SORCS2: variants seen among roughly 807,000 people sequenced by gnomAD.
SORCS2 encodes VPS10 domain-containing receptor SorCS2.
Under a neutral mutation model 141.6 loss-of-function variants are expected in SORCS2, and 100 were observed. That is an observed-to-expected ratio of 0.71 (90% CI 0.60 to 0.83). The LOEUF is 0.83. Ranked by LOEUF, SORCS2 falls within the 40% of genes least tolerant of loss-of-function variation. The probability of loss-of-function intolerance (pLI) is 0.00; values close to 1 mark genes in which losing one functional copy is unlikely to be tolerated. For synonymous variants in SORCS2, 789 were observed against 676.9 expected (o/e 1.17, Z -2.57); for missense variants, 1,646 against 1,560.2 (o/e 1.05, Z -0.93).
intron 1 of SORCS2, among the ~76,000 whole-genome samples, chr4:7,368,821 C>T (rs961804077): frequency 6.6e-6 from 1 of 152,162 alleles, no homozygotes; most frequent in Non-Finnish European, 1.5e-5. Flanking sequence ...CTGGGAGAAA[C>T]CCGGTGGGAG....
At position 7,737,173 on chromosome 4, in the gene SORCS2, G is replaced by A. The variant is rs1185547449; in HGVS notation, c.3415+1G>A. ...GAGGACGTCCAGGGCGCTGTCCAGG[G>A]TGAGGAGTTTATAGATGATGATCTC... On this transcript the variant is annotated splice_donor_variant, in intron 26 of 26. Coordinates refer to ENST00000507866, the MANE Select transcript of SORCS2 (RefSeq NM_020777.3). LOFTEE classifies it high-confidence loss of function. The A allele has an allele frequency of 2.6e-6, 4 of 1,551,170 alleles. No individual in the cohort carries two copies. The highest frequency in any genetic ancestry group is 2.6e-6 in the Non-Finnish European group (3 of 1,146,910).
chr4:7,542,222 A>G (rs1038070832), intron 3 of SORCS2, among the ~76,000 whole-genome samples: 2 of 152,202 alleles, frequency 1.3e-5, no homozygotes, highest in Non-Finnish European at 2.9e-5. Context: ...ATCAATTATT[A>G]AGACAGCCCT....
chr4:7,701,251 GGAGGGAGGGAAGAA>G (rs1451078228), intron 12 of SORCS2, among the ~76,000 whole-genome samples: 2 of 151,670 alleles, frequency 1.3e-5, no homozygotes, highest in Admixed American at 6.6e-5. Context: ...AAAGGAGAGA[GGAGGGAGGGAAGAA>G]GAGGGAGGGA....
intron 2 of SORCS2, among the ~76,000 whole-genome samples, chr4:7,423,157 C>T (rs1189584186): frequency 1.3e-5 from 2 of 152,212 alleles, no homozygotes; most frequent in African/African-American, 4.8e-5. Context: ...GGTGCCCTCC[C>T]TGTTGGAGGC....
intron 2 of SORCS2, among the ~76,000 whole-genome samples, chr4:7,480,163 G>A (rs553229808): frequency 6.6e-6 from 1 of 152,334 alleles, no homozygotes; most frequent in South Asian, 2.1e-4. Flanking sequence ...GGGGTCTGAA[G>A]TGTGGTGGTA....
intron 25 of SORCS2, among the ~76,000 whole-genome samples, chr4:7,736,150 T>G (rs1393950536): frequency 6.6e-6 from 1 of 152,234 alleles, no homozygotes; most frequent in Non-Finnish European, 1.5e-5. Flanking sequence ...GCTCCCGGCT[T>G]GCTCAAGGGC....
chr4:7,325,313 T>TG (rs1300564283), intron 1 of SORCS2, among the ~76,000 whole-genome samples: 5 of 152,152 alleles, frequency 3.3e-5, no homozygotes, highest in African/African-American at 1.2e-4. Context: ...GTCTGTTAAG[T>TG]GGGGGTGATT....
At chr4:7,582,265 T>C (rs376909778) in intron 3 of SORCS2, among the ~76,000 whole-genome samples, 3 of 152,204 alleles carry the variant, frequency 2.0e-5, no homozygotes, top group African/African-American at 7.2e-5. Context: ...GGGGCAAAGA[T>C]GGTTTTGAAT....
Position 7,335,188 on chromosome 4 carries a change from A to T in SORCS2, c.481-61100A>T, listed in dbSNP as rs1577412882. Reference sequence around the variant, plus strand: ...AATTCTGAGTATCCTCGTCCGGGGCACACGCCTAGTTTTCCTCTCTACGTT... The same window carrying T: ...AATTCTGAGTATCCTCGTCCGGGGCTCACGCCTAGTTTTCCTCTCTACGTT... On this transcript the variant is annotated intron_variant, in intron 1 of 26. Coordinates refer to ENST00000507866, the MANE Select transcript of SORCS2 (RefSeq NM_020777.3). Among the ~76,000 whole-genome samples the T allele has an allele frequency of 3.3e-5, 5 of 152,320 alleles. 1 individual carries two copies. The highest frequency in any genetic ancestry group is 3.3e-4 in the Admixed American group (5 of 15,296).
chr4:7,240,482 A>T (rs561919953), intron 1 of SORCS2, among the ~76,000 whole-genome samples: 1 of 152,234 alleles, frequency 6.6e-6, no homozygotes, highest in African/African-American at 2.4e-5. Flanking sequence ...AGTGATGATA[A>T]TTAGAAGTGA....
chr4:7,387,629 A>G (rs959219309), intron 1 of SORCS2, among the ~76,000 whole-genome samples: 1 of 144,144 alleles, frequency 6.9e-6, no homozygotes, highest in African/African-American at 2.6e-5. Flanking sequence ...ACACATTTGC[A>G]CACACGCACA....
chr4:7,579,097 C>T (rs1372916754), intron 3 of SORCS2, among the ~76,000 whole-genome samples: 1 of 152,114 alleles, frequency 6.6e-6, no homozygotes, highest in Non-Finnish European at 1.5e-5. Flanking sequence ...TCTAGCTACC[C>T]CCAACACAAA....
intron 2 of SORCS2, among the ~76,000 whole-genome samples, chr4:7,476,974 C>G (rs1420799286): frequency 6.6e-6 from 1 of 152,226 alleles, no homozygotes; most frequent in Non-Finnish European, 1.5e-5. Context: ...TTCCCCAAGG[C>G]GCTCTGAACT....
At chr4:7,676,264 C>T (rs766796435) in intron 9 of SORCS2, 35 bp downstream of exon 9, 3 of 1,542,832 alleles carry the variant, frequency 1.9e-6, no homozygotes, top group Admixed American at 2.0e-5. Context: ...AGGTCTGCCG[C>T]CGACCCCCTG....
rs972974020 is a variant in SORCS2, at chr4:7,674,918, C to T, written c.1162-1132C>T. Among the ~76,000 whole-genome samples the T allele has an allele frequency of 5.3e-5, 8 of 152,218 alleles. No homozygotes were observed. The South Asian group carries it at 6.2e-4, about 12-fold the overall frequency. ...ACACCGTAATTGGGAGGGGCGGCTC[C>T]GCAGGTGGGGCCAGCCGGACCCTCC... On this transcript the variant is annotated intron_variant, in intron 8 of 26. Coordinates refer to ENST00000507866, the MANE Select transcript of SORCS2 (RefSeq NM_020777.3).
chr4:7,398,863 A>G (rs1724388222), intron 2 of SORCS2, among the ~76,000 whole-genome samples: 1 of 152,146 alleles, frequency 6.6e-6, no homozygotes, highest in Admixed American at 6.5e-5. Flanking sequence ...CCCTGGAATG[A>G]ATCAGTTACA....
At chr4:7,220,506 A>G (rs1226950137) in intron 1 of SORCS2, among the ~76,000 whole-genome samples, 1 of 152,154 alleles carries the variant, frequency 6.6e-6, no homozygotes, top group Non-Finnish European at 1.5e-5. Context: ...AAGCAGGGCC[A>G]GATGGAGCCA....
At chr4:7,315,463 T>C (rs1718492957) in intron 1 of SORCS2, among the ~76,000 whole-genome samples, 1 of 152,218 alleles carries the variant, frequency 6.6e-6, no homozygotes, top group Non-Finnish European at 1.5e-5. Flanking sequence ...GGCTGTCTGC[T>C]CTGGGGCAGG....
At chr4:7,349,575 A>T (rs900473945) in intron 1 of SORCS2, among the ~76,000 whole-genome samples, 1 of 152,034 alleles carries the variant, frequency 6.6e-6, no homozygotes, top group Non-Finnish European at 1.5e-5. Context: ...GGGTCAGGAG[A>T]TGGGCTCCCC....
Sources: allele counts gnomAD v4.1 joint callset (sites outside exome capture counted in the v4.1 genomes callset), GRCh38; gene constraint gnomAD v4.1.1; transcripts MANE v1.5; gene names NCBI Gene and HGNC (gene_info 2026-07-23, HGNC 2026-07-21).